The following MOV10L1 variants were observed in gnomAD, a reference collection of about 807,000 sequenced individuals.
MOV10L1 encodes Mov10 like RNA helicase 1, also known as RNA helicase Mov10l1.
A neutral mutation model predicts 143.8 loss-of-function variants in MOV10L1; 110 were observed. The ratio of observed to expected loss-of-function variants is 0.76; its 90% CI spans 0.66 to 0.90. The LOEUF is 0.90. Ranked by LOEUF, MOV10L1 falls within the 40% of genes least tolerant of loss-of-function variation. The pLI is 0.00. For missense variants in MOV10L1, 1,406 were observed against 1,526.8 expected (o/e 0.92, Z 1.32); for synonymous variants, 593 against 581.1 (o/e 1.02, Z -0.29).
At chr22:50,113,979 C>T (rs1290792412) in intron 6 of MOV10L1, among the ~76,000 whole-genome samples, 191 bp downstream of exon 6, 1 of 138,324 alleles carries the variant, frequency 7.2e-6, no homozygotes, top group Non-Finnish European at 1.5e-5. Flanking sequence ...AGTGCAGTGG[C>T]GCGATCTCAG....
At position 50,092,041 on chromosome 22, in the gene MOV10L1, G is replaced by A. The variant is rs138929519; in HGVS notation, c.138G>A (p.Arg46=). The A allele has an allele frequency of 4.3e-6, 7 of 1,614,032 alleles. No homozygotes were observed. The highest frequency in any genetic ancestry group is 1.6e-4 in the Middle Eastern group (1 of 6,084). Residue 46 remains arginine (R), a synonymous_variant, in exon 2 of 27, where the codon AGG becomes AGA. Transcript: ENST00000262794. ...KLKTVRGVVT[R]YCSDYGMIDD... is the part of the protein sequence containing the mutation. ...AAACTGTACGGGGTGTCGTGACAAG[G>A]TACTGCAGCGATTATGGCATGATTG...
intron 8 of MOV10L1, among the ~76,000 whole-genome samples, chr22:50,116,391 G>T (rs1466988017): frequency 6.0e-5 from 9 of 149,774 alleles, no homozygotes; most frequent in African/African-American, 2.2e-4. Context: ...AGCTTGCAGT[G>T]AGCCGAGATC....
chr22:50,128,540 C>CTTTT (rs36022529), intron 13 of MOV10L1, 33 bp downstream of exon 13: 141 of 487,710 alleles, frequency 2.9e-4, no homozygotes, highest in South Asian at 5.1e-4. Flanking sequence ...TTTCAAATGT[C>CTTTT]TTTTTTTTTT....
chr22:50,152,914 G>GGGGCGCAGGAGCAGAGTC lies in MOV10L1; in HGVS notation c.2893-130_2893-113dup. The GGGGCGCAGGAGCAGAGTC allele has an allele frequency of 2.3e-6, 2 of 885,368 alleles. No homozygotes were observed. The highest frequency in any genetic ancestry group is 3.5e-6 in the Non-Finnish European group (2 of 573,624). 54.8% of individuals were successfully genotyped at this position (885,368 alleles called of 1,614,324 possible). A position where few individuals can be genotyped will look rare whatever the true frequency, so the allele number is the denominator to read the frequency against. ...TTGGTCTGGGGGCAGGCGACACACA[G>GGGGCGCAGGAGCAGAGTC]GGGCGCAGGAGCAGAGTCAGGCTTG... On this transcript the variant is annotated intron_variant, in intron 21 of 26. Transcript: ENST00000262794. The surrounding 1 kb of genome is among the most constrained non-coding windows in gnomAD (Gnocchi z 4.4).
At chr22:50,120,046 A>G (rs1339074688) in intron 9 of MOV10L1, among the ~76,000 whole-genome samples, 1 of 152,198 alleles carries the variant, frequency 6.6e-6, no homozygotes, top group African/African-American at 2.4e-5. Context: ...CAGAGAAACC[A>G]CAGGCTGGGA....
Position 50,114,531 on chromosome 22 carries a change from T to C in MOV10L1, c.1035T>C (p.Asp345=). The stretch of plus-strand genomic sequence containing the variant: ...TTCCTGAGAAGGAGAATTCATCAGA[T>C]GAAAATATTAATTCATTAAATAGCC... ...VSVPEKENSS[D]ENINSLNSHT... is the part of the protein sequence containing the mutation. Residue 345 remains aspartate (D), a synonymous_variant, in exon 7 of 27, where the codon GAT becomes GAC. Transcript: ENST00000262794. The C allele has an allele frequency of 6.2e-7, 1 of 1,614,208 alleles. No individual in the cohort carries two copies. The highest frequency in any genetic ancestry group is 8.5e-7 in the Non-Finnish European group (1 of 1,180,038).
intron 15 of MOV10L1, among the ~76,000 whole-genome samples, chr22:50,136,045 C>A (rs546021429): frequency 6.6e-6 from 1 of 152,034 alleles, no homozygotes; most frequent in Non-Finnish European, 1.5e-5. Context: ...GTTCCTCCCC[C>A]AAAATGCAAA....
At position 50,142,142 on chromosome 22, in the gene MOV10L1, A is replaced by G. The variant is rs764750898; in HGVS notation, c.2132A>G (p.Lys711Arg). ...ACAGAGGAGAGGCGTGTTGGTGACAAGGACCTGCCGGTGCTGGCACCCTTT... is the reference window on the plus strand; with the variant it reads ...ACAGAGGAGAGGCGTGTTGGTGACAGGGACCTGCCGGTGCTGGCACCCTTT... ...HGTEERRVGD[K>R]DLPVLAPFTA... Residue 711 changes from lysine (K) to arginine (R), a missense_variant, in exon 16 of 27, where the codon AAG becomes AGG. Physicochemically the swap from Lys to Arg is conservative, Grantham distance 26 (BLOSUM62 2). This residue lies in a region of MOV10L1 where 1,233 missense variants were observed against 1,351.4 expected (regional missense o/e 0.91). Transcript: ENST00000262794. 3.1e-6 allele frequency: 5 copies of G among 1,613,504 alleles called. No homozygotes were observed. Among genetic ancestry groups the G allele is most frequent in the Admixed American group, 3.3e-5 (2 of 59,972 alleles).
intron 13 of MOV10L1, among the ~76,000 whole-genome samples, chr22:50,131,675 G>A (rs1245487995): frequency 6.6e-6 from 1 of 150,824 alleles, no homozygotes; most frequent in Non-Finnish European, 1.5e-5. Flanking sequence ...AGCATTATTT[G>A]ATGAAAAAAC....
At chr22:50,144,774 A>C (rs377243053) in intron 18 of MOV10L1, among the ~76,000 whole-genome samples, 4 of 151,412 alleles carry the variant, frequency 2.6e-5, no homozygotes, top group Admixed American at 1.3e-4. Flanking sequence ...GTAGAGACGG[A>C]GTTTCACCGT....
chr22:50,109,403 C>T (rs2061959433), intron 5 of MOV10L1, among the ~76,000 whole-genome samples: 2 of 151,930 alleles, frequency 1.3e-5, no homozygotes, highest in Admixed American at 6.6e-5. Context: ...GGCACGGTGG[C>T]TCACGCCTGT....
rs556566712 is a variant in MOV10L1, at chr22:50,159,856, G to C, written c.3324+71G>C. The C allele has an allele frequency of 1.3e-5, 13 of 1,026,702 alleles. No homozygotes were observed. Among genetic ancestry groups the C allele is most frequent in the Non-Finnish European group, 1.9e-5 (13 of 669,808 alleles). The allele number at this position is 1,026,702 out of a possible 1,614,324, so 63.6% of individuals were successfully genotyped here. ...TGCCCTGGGGGTTCTGGGGGCTTCA[G>C]ATCTAAAGGGGCAGAGGCTGATTCC... On this transcript the variant is annotated intron_variant, in intron 24 of 26. Coordinates refer to ENST00000262794, the MANE Select transcript of MOV10L1 (RefSeq NM_018995.3). The surrounding 1 kb of genome is among the most constrained non-coding windows in gnomAD (Gnocchi z 4.1).
rs1310856146 is a variant in MOV10L1 at position 50,149,646 on chromosome 22, G to A, written c.2659G>A (p.Glu887Lys). The A allele has an allele frequency of 1.2e-6, 2 of 1,614,192 alleles. No homozygotes were observed. The highest frequency in any genetic ancestry group is 2.2e-5 in the South Asian group (2 of 91,084). The change falls in exon 20 of 27, where the codon GAG becomes AAG. Residue 887 changes from glutamate to lysine, a missense_variant. Glu to Lys is a moderately conservative substitution (Grantham distance 56). This residue lies in a region of MOV10L1 where 1,233 missense variants were observed against 1,351.4 expected (regional missense o/e 0.91). Coordinates refer to ENST00000262794, the MANE Select transcript of MOV10L1 (RefSeq NM_018995.3). The stretch of plus-strand genomic sequence containing the variant: ...GCACTTCACTCACGTGTTTGTGGAC[G>A]AGGCTGGGCAGGCAAGTGAGCCGGA... ...VGHFTHVFVD[E>K]AGQASEPECL...
In MOV10L1 at chr22:50,158,870, T is replaced by TA. The variant is rs2063490876; in HGVS notation, c.3216+665dup. 1 of 152,052 alleles carries TA rather than the reference T, an allele frequency of 6.6e-6. No homozygotes were observed. The highest frequency in any genetic ancestry group is 1.5e-5 in the Non-Finnish European group (1 of 68,076). 9.4% of individuals were successfully genotyped at this position (152,052 alleles called of 1,614,324 possible). ...TGACCGCAGAGCCCGTCAAAGATGT[T>TA]ATGTTTCCTTTTTTCTGACCTCGGG... is the stretch of plus-strand genomic sequence containing the variant. On this transcript the variant is annotated intron_variant, in intron 23 of 26. Transcript: ENST00000262794. This position sits in a 1 kb window ranked among gnomAD's most constrained non-coding sequence, Gnocchi z 5.0.
At chr22:50,121,913 C>G (rs567105393) in intron 10 of MOV10L1, among the ~76,000 whole-genome samples, 6 of 152,168 alleles carry the variant, frequency 3.9e-5, no homozygotes, top group East Asian at 1.9e-4. Flanking sequence ...ATCTTTTATA[C>G]GAATTTTAAG....
At chr22:50,110,396 C>T (rs541916010) in intron 5 of MOV10L1, among the ~76,000 whole-genome samples, 300 of 150,176 alleles carry the variant, frequency 2.0e-3, no homozygotes, top group African/African-American at 7.1e-3. Flanking sequence ...TTGCAGTGAG[C>T]CGAGATCGCG....
Position 50,125,449 on chromosome 22 carries a change from A to T in MOV10L1, c.1627A>T (p.Ile543Phe). ...KFSTLLWLEE[I>F]YAEMELKEYN... ...TTCGACTTTGCTGTGGCTTGAGGAG[A>T]TTTATGCAGAAATGGAACTGAAAGA... The change falls in exon 11 of 27, where the codon ATT becomes TTT. Residue 543 changes from isoleucine to phenylalanine, a missense_variant. Ile to Phe is a conservative substitution (Grantham distance 21). Transcript: ENST00000262794. 1 of 1,614,142 alleles carries T rather than the reference A, an allele frequency of 6.2e-7. No homozygotes were observed. Among genetic ancestry groups the T allele is most frequent in the Non-Finnish European group, 8.5e-7 (1 of 1,180,020 alleles).
At chr22:50,150,956 G>C in intron 21 of MOV10L1, 57 bp downstream of exon 21, 1 of 1,602,948 alleles carries the variant, frequency 6.2e-7, no homozygotes, top group Non-Finnish European at 8.5e-7. Flanking sequence ...CAGGCTCCAG[G>C]GCAGTCGAGC....
intron 2 of MOV10L1, chr22:50,094,328 G>A (rs2062531866): frequency 1.3e-5 from 2 of 150,742 alleles, no homozygotes; most frequent in South Asian, 4.2e-4. Flanking sequence ...GAGTTTTTAT[G>A]TGTTCTATTA....
Sources: gnomAD v4.1 joint callset for allele counts (sites outside exome capture counted in the v4.1 genomes callset) on GRCh38, gnomAD v4.1.1 for gene constraint, gnomAD v4.1.1 regional missense constraint, Gnocchi (gnomAD v3.1) non-coding constraint, MANE v1.5 for transcripts, NCBI Gene and HGNC (gene_info 2026-07-23, HGNC 2026-07-21) for gene names.